GRAMD1C: variants seen among roughly 807,000 people sequenced by gnomAD.
GRAMD1C encodes protein Aster-C.
In GRAMD1C, 89 loss-of-function variants were observed where a neutral mutation model predicts 97.8. The ratio of observed to expected loss-of-function variants is 0.91; its 90% CI spans 0.77 to 1.09. The LOEUF is 1.09. Ranked by LOEUF, GRAMD1C falls within the 50% of genes least tolerant of loss-of-function variation. The pLI is 0.00. For synonymous variants in GRAMD1C, 256 were observed against 267.0 expected, an observed-to-expected ratio of 0.96 and a Z score of 0.40; for missense variants, 740 against 766.4, an observed-to-expected ratio of 0.97 and a Z score of 0.41.
At chr3:113,833,798 G>A (rs1203074134), upstream of GRAMD1C, among the ~76,000 whole-genome samples, 1 of 152,166 alleles carries the variant, frequency 6.6e-6, no homozygotes, top group Non-Finnish European at 1.5e-5. Flanking sequence ...TGACATTCCA[G>A]ATTTCCAAAT....
In GRAMD1C at chr3:113,946,534, A is replaced by G. The variant is rs983499222; in HGVS notation, c.*1056A>G. On this transcript the variant is annotated 3_prime_UTR_variant, in exon 18 of 18. Coordinates refer to ENST00000358160, the MANE Select transcript of GRAMD1C (RefSeq NM_017577.5). ...TTTTTATGCATATGTGTCTCCATAC[A>G]AGTGGCTCATTAAAATAAGAACTTT... 3 of 152,240 alleles carry G rather than the reference A, an allele frequency of 2.0e-5. No homozygotes were observed. The highest frequency in any genetic ancestry group is 2.9e-5 in the Non-Finnish European group (2 of 68,048). The allele number at this position is 152,240 out of a possible 1,614,324, so 9.4% of individuals were successfully genotyped here. A position where few individuals can be genotyped will look rare whatever the true frequency, so the allele number is the denominator to read the frequency against.
intron 9 of GRAMD1C, chr3:113,913,198 T>G (rs1226620408): frequency 1.5e-6 from 1 of 662,042 alleles, no homozygotes; most frequent in Non-Finnish European, 2.4e-6. Flanking sequence ...GTTTTCTCTT[T>G]CTCACCTGCT....
chr3:113,842,920 G>A (rs1021900151), intron 1 of GRAMD1C, among the ~76,000 whole-genome samples: 1 of 151,116 alleles, frequency 6.6e-6, no homozygotes, highest in African/African-American at 2.4e-5. Flanking sequence ...CCGAGATCAC[G>A]CCACTGCACT....
intron 17 of GRAMD1C, 74 bp from the exon 18 acceptor site, chr3:113,945,324 G>T: frequency 3.6e-6 from 3 of 833,552 alleles, no homozygotes; most frequent in South Asian, 2.9e-5. Flanking sequence ...TGTAAATTTT[G>T]GGCATAAAAA....
intron 8 of GRAMD1C, 26 bp downstream of exon 8, chr3:113,904,298 A>C: frequency 6.8e-7 from 1 of 1,460,532 alleles, no homozygotes; most frequent in East Asian, 2.3e-5. Context: ...CCCTTTTAAA[A>C]TATATCTGGT....
intron 7 of GRAMD1C, among the ~76,000 whole-genome samples, chr3:113,903,311 T>C (rs1009852458): frequency 6.6e-6 from 1 of 152,164 alleles, no homozygotes; most frequent in African/African-American, 2.4e-5. Context: ...GGCAGGATCC[T>C]CATTCTCTCT....
intron 2 of GRAMD1C, among the ~76,000 whole-genome samples, chr3:113,854,445 G>A (rs1009365129): frequency 2.0e-5 from 3 of 152,174 alleles, no homozygotes; most frequent in Admixed American, 1.3e-4. Flanking sequence ...CTTAAAAAGC[G>A]TGGTGTCCTC....
chr3:113,904,794 A>G (rs2107320626), intron 8 of GRAMD1C, among the ~76,000 whole-genome samples: 1 of 152,064 alleles, frequency 6.6e-6, no homozygotes, highest in South Asian at 2.1e-4. Flanking sequence ...TTCTTCCTTT[A>G]TTTTCTCAAG....
intron 2 of GRAMD1C, among the ~76,000 whole-genome samples, chr3:113,854,142 G>GTT (rs531970469): frequency 6.8e-6 from 1 of 146,810 alleles, no homozygotes. Context: ...GAAATCAAGA[G>GTT]TTTTTTTTTT....
chr3:113,850,146 A>G, intron 2 of GRAMD1C: 1 of 407,084 alleles, frequency 2.5e-6, no homozygotes, highest in South Asian at 1.9e-5. Context: ...ATAATTCATT[A>G]AGATCTTTAA....
chr3:113,918,767 T>C (rs1428489402), intron 10 of GRAMD1C, among the ~76,000 whole-genome samples: 2 of 152,174 alleles, frequency 1.3e-5, no homozygotes, highest in African/African-American at 2.4e-5. Context: ...GCAATCACAC[T>C]TCACTGTAGC....
intron 6 of GRAMD1C, among the ~76,000 whole-genome samples, chr3:113,896,969 A>G (rs1935973220): frequency 6.6e-6 from 1 of 152,234 alleles, no homozygotes; most frequent in African/African-American, 2.4e-5. Context: ...TAAATACACC[A>G]AAGTCAGAAA....
At chr3:113,937,494 G>A (rs578003141) in intron 14 of GRAMD1C, among the ~76,000 whole-genome samples, 119 of 152,208 alleles carry the variant, frequency 7.8e-4, no homozygotes, top group African/African-American at 2.5e-3. Flanking sequence ...CAAGCATGTT[G>A]TATTGAATTG....
chr3:113,836,941 G>A (rs1709640392), upstream of GRAMD1C, among the ~76,000 whole-genome samples: 1 of 152,098 alleles, frequency 6.6e-6, no homozygotes, highest in South Asian at 2.1e-4. Context: ...ACCACGCCCA[G>A]CTGCCAAAAA....
At chr3:113,846,270 C>T (rs781517615) in intron 2 of GRAMD1C, among the ~76,000 whole-genome samples, 9 of 152,062 alleles carry the variant, frequency 5.9e-5, no homozygotes, top group Non-Finnish European at 1.3e-4. Context: ...CCACACCCAG[C>T]TAATTTTGTA....
upstream of GRAMD1C, chr3:113,838,723 G>C: frequency 2.6e-6 from 1 of 378,760 alleles, no homozygotes; most frequent in Non-Finnish European, 4.6e-6. Flanking sequence ...AGGCTAACCC[G>C]GTAACACCCA....
chr3:113,836,185 A>C (rs538466203), upstream of GRAMD1C, among the ~76,000 whole-genome samples: 186 of 152,216 alleles, frequency 1.2e-3, 1 homozygote, highest in Non-Finnish European at 2.0e-3. Context: ...AATTGCTTAA[A>C]CCTGGGAGGC....
At chr3:113,867,243 T>C (rs767111082) in intron 2 of GRAMD1C, among the ~76,000 whole-genome samples, 1 of 152,198 alleles carries the variant, frequency 6.6e-6, no homozygotes, top group Non-Finnish European at 1.5e-5. Context: ...TCTGGTGAAT[T>C]TGAGTTATCA....
intron 2 of GRAMD1C, among the ~76,000 whole-genome samples, chr3:113,861,362 C>A (rs1934368210): frequency 6.6e-6 from 1 of 152,066 alleles, no homozygotes; most frequent in South Asian, 2.1e-4. Context: ...AAATTAGTGC[C>A]ATGTTTGGTT....
Sources: allele counts gnomAD v4.1 joint callset (sites outside exome capture counted in the v4.1 genomes callset), GRCh38; gene constraint gnomAD v4.1.1; transcripts MANE v1.5; gene names NCBI Gene and HGNC (gene_info 2026-07-23, HGNC 2026-07-21).